The following DPP10 variants were observed in gnomAD, a reference collection of about 807,000 sequenced individuals.
The protein encoded by DPP10 is dipeptidyl peptidase like 10, also known as inactive dipeptidyl peptidase 10.
DPP10 carries 33 observed loss-of-function variants against 120.9 expected under a neutral mutation model. The observed-to-expected ratio is 0.27, with a 90% confidence interval of 0.21 to 0.37. The LOEUF is 0.37. Among genes scored for constraint, DPP10 ranks in the 10% least tolerant of loss-of-function variants. DPP10 has a pLI of 1.00. For missense variants in DPP10, 816 were observed against 942.8 expected, an observed-to-expected ratio of 0.87 and a Z score of 1.76; for synonymous variants, 337 against 326.1, an observed-to-expected ratio of 1.03 and a Z score of -0.36.
At chr2:115,305,172 T>TAG (rs2061311146) in intron 1 of DPP10, among the ~76,000 whole-genome samples, 2 of 152,072 alleles carry the variant, frequency 1.3e-5, no homozygotes, top group African/African-American at 4.8e-5. Context: ...TATCATAATC[T>TAG]AACATGCACT....
chr2:115,782,166 A>G (rs1047645962), intron 16 of DPP10, among the ~76,000 whole-genome samples, 186 bp from the exon 17 acceptor site: 1 of 152,024 alleles, frequency 6.6e-6, no homozygotes, highest in African/African-American at 2.4e-5. Flanking sequence ...TCCTTCTCAT[A>G]TATTCTTACC....
At chr2:115,485,798 C>G (rs2075743475) in intron 3 of DPP10, among the ~76,000 whole-genome samples, 1 of 152,098 alleles carries the variant, frequency 6.6e-6, no homozygotes, top group Admixed American at 6.5e-5. Context: ...ACTATAACAT[C>G]TATTAATATG....
chr2:114,695,635 A>T (rs1417153656), intron 1 of DPP10, among the ~76,000 whole-genome samples: 2 of 152,134 alleles, frequency 1.3e-5, no homozygotes, highest in African/African-American at 4.8e-5. Context: ...AAATAGAAGA[A>T]TAAAAAGGAT....
At chr2:114,883,381 A>G (rs570449444) in intron 1 of DPP10, among the ~76,000 whole-genome samples, 2 of 152,338 alleles carry the variant, frequency 1.3e-5, no homozygotes, top group South Asian at 2.1e-4. Flanking sequence ...TGCCTCCTAC[A>G]GCATTCGTGA....
intron 5 of DPP10, among the ~76,000 whole-genome samples, chr2:115,565,327 C>A (rs1254309937): frequency 1.3e-5 from 2 of 152,180 alleles, no homozygotes; most frequent in Non-Finnish European, 2.9e-5. Flanking sequence ...CATTTACATA[C>A]ATTAATATAT....
intron 5 of DPP10, among the ~76,000 whole-genome samples, chr2:115,577,828 G>A (rs1558874911): frequency 6.6e-6 from 1 of 151,860 alleles, no homozygotes; most frequent in East Asian, 1.9e-4. Flanking sequence ...ATTAGATTAG[G>A]GCTCACCCTA....
chr2:115,735,898 A>ATGTATT (rs1676433762), intron 8 of DPP10, among the ~76,000 whole-genome samples: 2 of 151,942 alleles, frequency 1.3e-5, no homozygotes, highest in South Asian at 4.2e-4. Flanking sequence ...TTGGGCAAAA[A>ATGTATT]TGTATTTGTG....
At chr2:115,697,118 T>C (rs1575548808) in intron 7 of DPP10, among the ~76,000 whole-genome samples, 1 of 151,950 alleles carries the variant, frequency 6.6e-6, no homozygotes, top group African/African-American at 2.4e-5. Context: ...ATTAAAACAT[T>C]CTACTATTAA....
chr2:115,558,686 A>G (rs2080370863), intron 5 of DPP10, among the ~76,000 whole-genome samples: 1 of 151,888 alleles, frequency 6.6e-6, no homozygotes, highest in African/African-American at 2.4e-5. Context: ...CATACTAAAA[A>G]AAAATTACTC....
intron 1 of DPP10, among the ~76,000 whole-genome samples, chr2:114,773,234 A>T (rs1446076845): frequency 1.3e-5 from 2 of 152,194 alleles, no homozygotes; most frequent in South Asian, 4.1e-4. Flanking sequence ...CTGACTAAAA[A>T]GGGGCACAAG....
intron 1 of DPP10, among the ~76,000 whole-genome samples, chr2:114,667,019 C>G (rs1460569215): frequency 6.6e-6 from 1 of 152,180 alleles, no homozygotes; most frequent in Non-Finnish European, 1.5e-5. Context: ...AATTTCTTTA[C>G]TGGCAAAGAG....
intron 1 of DPP10, among the ~76,000 whole-genome samples, chr2:115,286,232 A>G (rs1437327171): frequency 1.3e-5 from 2 of 151,442 alleles, no homozygotes; most frequent in African/African-American, 4.8e-5. Context: ...ATTTGGAGAT[A>G]TTTTGGCTGA....
intron 1 of DPP10, among the ~76,000 whole-genome samples, chr2:114,784,759 T>C (rs1421212167): frequency 6.6e-6 from 1 of 152,194 alleles, no homozygotes; most frequent in African/African-American, 2.4e-5. Flanking sequence ...AGTACATCAA[T>C]AGAACAACTT....
At chr2:115,840,613 C>T (rs897753050) in intron 24 of DPP10, 137 bp from the exon 25 acceptor site, 23 of 842,646 alleles carry the variant, frequency 2.7e-5, no homozygotes, top group Non-Finnish European at 3.6e-5. Context: ...CGTGAGCCAC[C>T]GTGCCCAGCC....
intron 1 of DPP10, among the ~76,000 whole-genome samples, chr2:114,900,944 G>C (rs1320785019): frequency 6.6e-6 from 1 of 152,138 alleles, no homozygotes; most frequent in Admixed American, 6.5e-5. Flanking sequence ...AATAAACTCA[G>C]ACTAACTTAT....
At chr2:115,722,307 T>C (rs2092668119) in intron 7 of DPP10, among the ~76,000 whole-genome samples, 1 of 151,680 alleles carries the variant, frequency 6.6e-6, no homozygotes, top group Non-Finnish European at 1.5e-5. Flanking sequence ...CTTTTCTGCT[T>C]GACTACCTGC....
chr2:115,724,015 A>G (rs961127482), intron 7 of DPP10, among the ~76,000 whole-genome samples: 5 of 152,206 alleles, frequency 3.3e-5, no homozygotes, highest in African/African-American at 1.2e-4. Context: ...TATTTCAGCT[A>G]AAACAAGTCT....
chr2:114,486,060 C>T (rs192005748), intron 1 of DPP10, among the ~76,000 whole-genome samples: 28 of 152,250 alleles, frequency 1.8e-4, no homozygotes, highest in Middle Eastern at 6.8e-3. Context: ...CATTCAGTCA[C>T]CAGGTTAGGC....
At chr2:114,522,269 C>T (rs1235788044) in intron 1 of DPP10, among the ~76,000 whole-genome samples, 2 of 152,086 alleles carry the variant, frequency 1.3e-5, no homozygotes, top group East Asian at 3.9e-4. Context: ...CAGGCGTGAG[C>T]CACCGCGCCC....
Sources: allele counts gnomAD v4.1 joint callset (sites outside exome capture counted in the v4.1 genomes callset), GRCh38; gene constraint gnomAD v4.1.1; transcripts MANE v1.5; gene names NCBI Gene and HGNC (gene_info 2026-07-23, HGNC 2026-07-21).